Variants in RGS6 observed in about 807,000 individuals in gnomAD.
The protein encoded by RGS6 is regulator of G-protein signaling 6.
A neutral mutation model predicts 78.5 loss-of-function variants in RGS6; 30 were observed. The ratio of observed to expected loss-of-function variants is 0.38; its 90% CI spans 0.29 to 0.52. RGS6 has a LOEUF of 0.52. Ranked by LOEUF, RGS6 falls within the 20% of genes least tolerant of loss-of-function variation. The pLI is 0.85. For synonymous variants in RGS6, 206 were observed against 206.0 expected (o/e 1.00, Z 0.00); for missense variants, 495 against 609.7 (o/e 0.81, Z 1.98).
At chr14:72,255,616 T>A (rs2056910299) in intron 2 of RGS6, among the ~76,000 whole-genome samples, 1 of 152,220 alleles carries the variant, frequency 6.6e-6, no homozygotes, top group Admixed American at 6.5e-5. Context: ...TCAGGCAGGC[T>A]TAAAATGTGG....
intron 1 of RGS6, among the ~76,000 whole-genome samples, chr14:71,956,524 C>T (rs1249477342): frequency 3.2e-4 from 49 of 152,046 alleles, no homozygotes; most frequent in Admixed American, 1.3e-4. Context: ...AACTGAAGAA[C>T]TTGTAGTCCC....
chr14:71,920,631 G>A, the RGS6 span, among the ~76,000 whole-genome samples: 1 of 89,100 alleles, frequency 1.1e-5, no homozygotes, highest in Admixed American at 1.1e-4. Flanking sequence ...GCGCACACGC[G>A]CGTGCACACA....
In RGS6 at chr14:71,967,189, G is replaced by GTATATATATA. The variant is rs10571406; in HGVS notation, c.84+2326_84+2335dup. On this transcript the variant is annotated intron_variant, in intron 2 of 17. Transcript: ENST00000553525. Reference sequence around the variant, plus strand: ...TTCGTGTGACAAACTTGTGTAAAGAGTATATATATATATATATATATGTTC... The same window carrying GTATATATATA: ...TTCGTGTGACAAACTTGTGTAAAGAGTATATATATATATATATATATATATATATATGTTC... 1.3e-3 allele frequency among the ~76,000 whole-genome samples: 184 copies of GTATATATATA among 145,858 alleles called. 3 individuals are homozygous for GTATATATATA. Among genetic ancestry groups the GTATATATATA allele is most frequent in the African/African-American group, 4.0e-3 (154 of 38,874 alleles).
intron 3 of RGS6, among the ~76,000 whole-genome samples, chr14:72,406,944 T>C (rs1053382337): frequency 3.3e-5 from 5 of 152,220 alleles, no homozygotes; most frequent in African/African-American, 1.2e-4. Context: ...GTCCACATTG[T>C]CCAGATATCT....
chr14:71,891,086 C>A, the RGS6 span, among the ~76,000 whole-genome samples: 1 of 152,168 alleles, frequency 6.6e-6, no homozygotes, highest in Non-Finnish European at 1.5e-5. Flanking sequence ...TTTGCCAGAA[C>A]CTGCCAACAG....
the RGS6 span, among the ~76,000 whole-genome samples, chr14:72,581,272 C>T: frequency 3.3e-5 from 5 of 152,198 alleles, no homozygotes; most frequent in Non-Finnish European, 5.9e-5. Flanking sequence ...TGTCTTACTT[C>T]ATGGCACCCC....
intron 3 of RGS6, among the ~76,000 whole-genome samples, chr14:72,386,786 G>A (rs1288736560): frequency 6.6e-6 from 1 of 152,098 alleles, no homozygotes; most frequent in Non-Finnish European, 1.5e-5. Flanking sequence ...TTGAAATATG[G>A]TATTGCTTTT....
At chr14:72,098,498 GT>G (rs1273990235) in intron 2 of RGS6, among the ~76,000 whole-genome samples, 3 of 152,164 alleles carry the variant, frequency 2.0e-5, no homozygotes, top group African/African-American at 7.2e-5. Flanking sequence ...TAGTGGCATT[GT>G]TCTTTTTTAG....
intron 2 of RGS6, among the ~76,000 whole-genome samples, chr14:72,328,280 C>T (rs556050937): frequency 6.6e-6 from 1 of 152,272 alleles, no homozygotes; most frequent in African/African-American, 2.4e-5. Context: ...TAATGTTTTA[C>T]CAGCTATCTG....
chr14:72,266,841 C>A (rs2059138861), intron 2 of RGS6, among the ~76,000 whole-genome samples: 1 of 152,210 alleles, frequency 6.6e-6, no homozygotes, highest in Admixed American at 6.5e-5. Flanking sequence ...GTTCCCACAG[C>A]CAGGCTGGGT....
intron 2 of RGS6, among the ~76,000 whole-genome samples, chr14:72,142,052 C>T (rs79576226): frequency 0.051 from 7,691 of 152,176 alleles, 217 homozygotes; most frequent in Non-Finnish European, 0.069. Flanking sequence ...CCAGCCAGGA[C>T]CTTCTGAGAG....
At chr14:71,881,543 T>C in the RGS6 span, among the ~76,000 whole-genome samples, 1 of 152,228 alleles carries the variant, frequency 6.6e-6, no homozygotes, top group East Asian at 1.9e-4. Context: ...TCAAGAGGTC[T>C]GATGGCTTTA....
intron 2 of RGS6, among the ~76,000 whole-genome samples, chr14:72,160,327 G>A: frequency 6.8e-6 from 1 of 148,060 alleles, no homozygotes; most frequent in Admixed American, 6.7e-5. Context: ...CTGTGAAATT[G>A]GAAGCCAATA....
At chr14:72,620,022 T>C in the RGS6 span, 3 of 1,499,960 alleles carry the variant, frequency 2.0e-6, no homozygotes, top group African/African-American at 1.4e-5. Context: ...GAGGAGAGAT[T>C]CCATTATTCG....
chr14:71,920,772 G>A, the RGS6 span, among the ~76,000 whole-genome samples: 1 of 152,178 alleles, frequency 6.6e-6, no homozygotes, highest in Admixed American at 6.5e-5. Flanking sequence ...TTACTAGAAT[G>A]CAGGTTAAAT....
chr14:71,910,611 G>A, the RGS6 span, among the ~76,000 whole-genome samples: 1 of 152,116 alleles, frequency 6.6e-6, no homozygotes, highest in Admixed American at 6.5e-5. Flanking sequence ...GGGTTGAGGA[G>A]AAATTACGTT....
intron 12 of RGS6, among the ~76,000 whole-genome samples, chr14:72,481,753 A>C (rs926186505): frequency 6.6e-6 from 1 of 151,500 alleles, no homozygotes; most frequent in African/African-American, 2.4e-5. Flanking sequence ...GCACACACAC[A>C]CATGAGTGTC....
chr14:72,334,686 C>G (rs1467515105), intron 2 of RGS6, among the ~76,000 whole-genome samples: 1 of 152,088 alleles, frequency 6.6e-6, no homozygotes, highest in African/African-American at 2.4e-5. Context: ...AAGTGGTGTC[C>G]CTGAAACTAG....
chr14:72,442,762 G>A (rs1306207359), intron 3 of RGS6, among the ~76,000 whole-genome samples: 2 of 152,146 alleles, frequency 1.3e-5, no homozygotes, highest in Non-Finnish European at 2.9e-5. Flanking sequence ...TGGTGGGAGG[G>A]GAGCCTGGAT....
Sources: allele counts gnomAD v4.1 joint callset (sites outside exome capture counted in the v4.1 genomes callset), GRCh38; gene constraint gnomAD v4.1.1; transcripts MANE v1.5; gene names NCBI Gene and HGNC (gene_info 2026-07-23, HGNC 2026-07-21).